Variants in RAB38 observed in about 807,000 individuals in gnomAD.
The protein encoded by RAB38 is ras-related protein Rab-38.
A neutral mutation model predicts 18.4 loss-of-function variants in RAB38; 15 were observed. The observed-to-expected ratio is 0.82, with a 90% CI of 0.55 to 1.26. The LOEUF is 1.26. Ranked by LOEUF, RAB38 falls within the 50% of genes most tolerant of loss-of-function variation. The pLI is 0.00. For missense variants in RAB38, 294 were observed against 267.4 expected (o/e 1.10, Z -0.69); for synonymous variants, 101 against 104.4 (o/e 0.97, Z 0.20).
At chr11:87,925,887 C>T in the RAB38 span, among the ~76,000 whole-genome samples, 1 of 151,942 alleles carries the variant, frequency 6.6e-6, no homozygotes, top group Non-Finnish European at 1.5e-5. Flanking sequence ...TTGATTTTGA[C>T]ACGAACTCAT....
At chr11:87,956,481 C>T in the RAB38 span, among the ~76,000 whole-genome samples, 2 of 152,218 alleles carry the variant, frequency 1.3e-5, no homozygotes, top group Non-Finnish European at 2.9e-5. Context: ...TCACCTGCAC[C>T]ATGGCCTCCC....
chr11:88,073,138 A>G, the RAB38 span, among the ~76,000 whole-genome samples: 91 of 152,288 alleles, frequency 6.0e-4, no homozygotes, highest in African/African-American at 1.8e-3. Context: ...TCTTGGCAAG[A>G]TACCTTTCAA....
At chr11:88,013,266 TATTA>T in the RAB38 span, among the ~76,000 whole-genome samples, 21 of 152,288 alleles carry the variant, frequency 1.4e-4, no homozygotes, top group East Asian at 3.9e-4. Context: ...ACAGCCTTGA[TATTA>T]ATTGTCTTGC....
chr11:88,113,111 A>G (rs1381808775), downstream of RAB38: 1 of 152,372 alleles, frequency 6.6e-6, no homozygotes, highest in Non-Finnish European at 1.5e-5. Context: ...AATAGTGTCC[A>G]GCAGTTTCTT....
At chr11:88,091,087 G>A in the RAB38 span, among the ~76,000 whole-genome samples, 2 of 152,120 alleles carry the variant, frequency 1.3e-5, no homozygotes, top group South Asian at 4.1e-4. Context: ...AGGAGAAGGG[G>A]TGACAAGGAC....
chr11:88,162,597 C>T (rs898500265), intron 1 of RAB38, among the ~76,000 whole-genome samples: 1 of 145,970 alleles, frequency 6.9e-6, no homozygotes, highest in Non-Finnish European at 1.5e-5. Context: ...TAATCTCATT[C>T]ATTCATTTAA....
At chr11:88,167,892 A>G (rs1490492386) in intron 1 of RAB38, among the ~76,000 whole-genome samples, 1 of 152,210 alleles carries the variant, frequency 6.6e-6, no homozygotes, top group Non-Finnish European at 1.5e-5. Context: ...CAATAGGTCC[A>G]CTGTATTCTT....
the RAB38 span, among the ~76,000 whole-genome samples, chr11:87,855,373 C>T: frequency 6.6e-6 from 1 of 152,124 alleles, no homozygotes; most frequent in Non-Finnish European, 1.5e-5. Flanking sequence ...CTTGCTCTTC[C>T]ATTTCAACCA....
the RAB38 span, among the ~76,000 whole-genome samples, chr11:87,977,953 A>C: frequency 7.1e-5 from 8 of 112,470 alleles, no homozygotes; most frequent in Non-Finnish European, 1.2e-4. Flanking sequence ...TATTAATATA[A>C]TATATAAATA....
At chr11:88,065,616 CA>C in the RAB38 span, among the ~76,000 whole-genome samples, 1 of 152,176 alleles carries the variant, frequency 6.6e-6, no homozygotes, top group African/African-American at 2.4e-5. Context: ...CTCTCCCACT[CA>C]AAATTATGGG....
the RAB38 span, among the ~76,000 whole-genome samples, chr11:88,060,600 T>G: frequency 6.6e-6 from 1 of 152,204 alleles, no homozygotes; most frequent in South Asian, 2.1e-4. Flanking sequence ...AACCTAGGTC[T>G]AACTCCAAAG....
chr11:87,882,351 A>T, the RAB38 span, among the ~76,000 whole-genome samples: 13 of 151,892 alleles, frequency 8.6e-5, no homozygotes, highest in Non-Finnish European at 1.8e-4. Context: ...GTATATCAGA[A>T]GCCCCTAAAG....
At chr11:87,868,333 T>C in the RAB38 span, among the ~76,000 whole-genome samples, 1 of 151,642 alleles carries the variant, frequency 6.6e-6, no homozygotes, top group African/African-American at 2.4e-5. Flanking sequence ...CGTCAGCTCC[T>C]GTTCACCTTC....
chr11:87,830,925 A>C, the RAB38 span, among the ~76,000 whole-genome samples: 1 of 152,158 alleles, frequency 6.6e-6, no homozygotes, highest in Non-Finnish European at 1.5e-5. Flanking sequence ...CAGCCTCCCA[A>C]GTAGCTGGGA....
At chr11:87,934,957 G>C in the RAB38 span, among the ~76,000 whole-genome samples, 1 of 152,032 alleles carries the variant, frequency 6.6e-6, no homozygotes, top group Non-Finnish European at 1.5e-5. Flanking sequence ...TTGAGGAAGA[G>C]ACTGTGTGGA....
the RAB38 span, among the ~76,000 whole-genome samples, chr11:87,967,015 G>C: frequency 6.6e-6 from 1 of 152,202 alleles, no homozygotes; most frequent in East Asian, 1.9e-4. Flanking sequence ...CTCCAGCCAG[G>C]CATGGATAAT....
intron 2 of RAB38, among the ~76,000 whole-genome samples, chr11:88,139,482 T>C (rs1942878956): frequency 1.3e-5 from 2 of 152,226 alleles, no homozygotes; most frequent in Admixed American, 1.3e-4. Flanking sequence ...TATTTGTTTA[T>C]TTTGGTGTCT....
the RAB38 span, among the ~76,000 whole-genome samples, chr11:87,967,938 A>G: frequency 1.3e-5 from 2 of 152,174 alleles, no homozygotes; most frequent in Admixed American, 1.3e-4. Context: ...CTAACAGTCC[A>G]GCCATGCCTC....
chr11:88,080,752 G>A, the RAB38 span, among the ~76,000 whole-genome samples: 1 of 149,958 alleles, frequency 6.7e-6, no homozygotes, highest in Non-Finnish European at 1.5e-5. Flanking sequence ...ATACCCAAGT[G>A]TGGTTAATTA....
Sources: allele counts gnomAD v4.1 joint callset (sites outside exome capture counted in the v4.1 genomes callset), GRCh38; gene constraint gnomAD v4.1.1; transcripts MANE v1.5; gene names NCBI Gene and HGNC (gene_info 2026-07-23, HGNC 2026-07-21).